Variants in PPFIBP1 observed in about 807,000 individuals in gnomAD.
PPFIBP1 encodes liprin-beta-1.
Under a neutral mutation model 137.8 loss-of-function variants are expected in PPFIBP1, and 112 were observed. The observed-to-expected ratio is 0.81, with a 90% CI of 0.70 to 0.95. The LOEUF (loss-of-function observed/expected upper bound fraction) is 0.95, where lower values mean the gene tolerates loss of function less well. PPFIBP1 is among the 40% of genes least tolerant of loss of function. The pLI, the probability that PPFIBP1 is intolerant of heterozygous loss-of-function variation, is 0.00. For missense variants in PPFIBP1, 1,083 were observed against 1,196.6 expected, an observed-to-expected ratio of 0.91 and a Z score of 1.40; for synonymous variants, 378 against 417.3, an observed-to-expected ratio of 0.91 and a Z score of 1.15.
intron 2 of PPFIBP1, among the ~76,000 whole-genome samples, chr12:27,605,498 A>G (rs1483613791): frequency 6.6e-6 from 1 of 152,168 alleles, no homozygotes; most frequent in South Asian, 2.1e-4. Flanking sequence ...TTATTTTTCT[A>G]TAGGTAAATT....
At chr12:27,650,904 T>G (rs2058837808) in intron 7 of PPFIBP1, among the ~76,000 whole-genome samples, 1 of 152,244 alleles carries the variant, frequency 6.6e-6, no homozygotes, top group Non-Finnish European at 1.5e-5. Context: ...GAAATTTCTT[T>G]TCTCTGAGAG....
chr12:27,688,290 T>C lies in PPFIBP1; in HGVS notation c.2371-8T>C. On this transcript the variant is annotated splice_polypyrimidine_tract_variant and splice_region_variant and intron_variant, in intron 25 of 29. Coordinates refer to ENST00000228425, the MANE Select transcript of PPFIBP1 (RefSeq NM_003622.4). Reference sequence around the variant, plus strand: ...AATATTTAGGATCCTGGTTGTGTGTTCCCATAGAATACCATCGCCCCATCA... The same window carrying C: ...AATATTTAGGATCCTGGTTGTGTGTCCCCATAGAATACCATCGCCCCATCA... 1 of 1,612,932 alleles carries C rather than the reference T, an allele frequency of 6.2e-7. No individual in the cohort carries two copies. The highest frequency in any genetic ancestry group is 8.5e-7 in the Non-Finnish European group (1 of 1,179,606).
intron 2 of PPFIBP1, among the ~76,000 whole-genome samples, chr12:27,614,989 C>A (rs2055583979): frequency 6.6e-6 from 1 of 152,198 alleles, no homozygotes; most frequent in Non-Finnish European, 1.5e-5. Flanking sequence ...AGAAACACTT[C>A]TTGATTTGGT....
intron 12 of PPFIBP1, among the ~76,000 whole-genome samples, chr12:27,666,512 A>C (rs1020958131): frequency 2.6e-5 from 4 of 152,228 alleles, no homozygotes; most frequent in African/African-American, 9.6e-5. Flanking sequence ...GTTTTTAAAA[A>C]AGAATATCTG....
At chr12:27,681,132 C>A in intron 21 of PPFIBP1, among the ~76,000 whole-genome samples, 1 of 152,200 alleles carries the variant, frequency 6.6e-6, no homozygotes, top group East Asian at 1.9e-4. Flanking sequence ...GCCCTCTTCT[C>A]ATTGGTTACC....
At chr12:27,649,797 C>G (rs1259630908) in intron 6 of PPFIBP1, among the ~76,000 whole-genome samples, 9 of 152,192 alleles carry the variant, frequency 5.9e-5, no homozygotes, top group African/African-American at 2.2e-4. Context: ...AGCGATCTGC[C>G]TGCCTCGGCC....
chr12:27,653,528 G>T (rs889130158), intron 7 of PPFIBP1, among the ~76,000 whole-genome samples: 1 of 150,492 alleles, frequency 6.6e-6, no homozygotes, highest in African/African-American at 2.5e-5. Flanking sequence ...CGAAGGTCGC[G>T]GTGAGCTGAG....
chr12:27,570,891 C>T (rs1254427635), intron 1 of PPFIBP1, among the ~76,000 whole-genome samples: 3 of 151,338 alleles, frequency 2.0e-5, no homozygotes, highest in Admixed American at 6.6e-5. Flanking sequence ...CTAGCCTGGG[C>T]GACAGTGAGA....
At chr12:27,556,577 A>G (rs931589515) in intron 1 of PPFIBP1, among the ~76,000 whole-genome samples, 1 of 152,220 alleles carries the variant, frequency 6.6e-6, no homozygotes, top group African/African-American at 2.4e-5. Flanking sequence ...CTTGGTCCGC[A>G]TTGGGAAAGT....
chr12:27,663,793 T>C (rs565094338), intron 11 of PPFIBP1, among the ~76,000 whole-genome samples: 1 of 151,668 alleles, frequency 6.6e-6, no homozygotes, highest in Non-Finnish European at 1.5e-5. Context: ...TGAGCCAAGA[T>C]TGTACCACTA....
Position 27,671,481 on chromosome 12 carries a change from T to C in PPFIBP1, c.1197T>C (p.Thr399=), listed in dbSNP as rs1386880955. 6.2e-7 allele frequency: 1 copy of C among 1,603,790 alleles called. No homozygotes were observed. Among genetic ancestry groups the C allele is most frequent in the Non-Finnish European group, 8.5e-7 (1 of 1,176,236 alleles). Residue 399 remains threonine (T), a synonymous_variant, in exon 14 of 30, where the codon ACT becomes ACC. Coordinates refer to ENST00000228425, the MANE Select transcript of PPFIBP1 (RefSeq NM_003622.4). ...QVSIPSLLPA[T]VSMETSEKSK... Reference sequence around the variant, plus strand: ...CCATCCCTTCATTATTGCCAGCAACTGTAAGCATGGAAACTTCTGAAAAAT... The same window carrying C: ...CCATCCCTTCATTATTGCCAGCAACCGTAAGCATGGAAACTTCTGAAAAAT...
At chr12:27,546,749 A>T (rs1946274037) in intron 1 of PPFIBP1, among the ~76,000 whole-genome samples, 1 of 152,206 alleles carries the variant, frequency 6.6e-6, no homozygotes, top group African/African-American at 2.4e-5. Context: ...GCAGTGGTTC[A>T]TGCCTGTAAT....
intron 1 of PPFIBP1, among the ~76,000 whole-genome samples, chr12:27,529,429 C>T (rs1414108600): frequency 1.3e-5 from 2 of 152,160 alleles, no homozygotes; most frequent in Admixed American, 1.3e-4. Flanking sequence ...CGCGATGGCT[C>T]ATGCCTGTAA....
At chr12:27,580,472 C>T (rs2050992467) in intron 2 of PPFIBP1, among the ~76,000 whole-genome samples, 1 of 152,092 alleles carries the variant, frequency 6.6e-6, no homozygotes, top group Non-Finnish European at 1.5e-5. Context: ...CTAAGATTCC[C>T]CCCAAATCTG....
chr12:27,662,501 C>T (rs549905544), intron 11 of PPFIBP1, among the ~76,000 whole-genome samples: 1 of 152,230 alleles, frequency 6.6e-6, no homozygotes, highest in East Asian at 1.9e-4. Flanking sequence ...ATGAAGAGGG[C>T]TTGAAGTAAG....
At chr12:27,645,318 C>G (rs955363228) in intron 4 of PPFIBP1, among the ~76,000 whole-genome samples, 19 of 152,214 alleles carry the variant, frequency 1.2e-4, no homozygotes, top group African/African-American at 4.6e-4. Context: ...TTGTGAGCCT[C>G]TTTGTGTGTC....
At chr12:27,616,287 G>A (rs2055744187) in intron 2 of PPFIBP1, among the ~76,000 whole-genome samples, 1 of 148,614 alleles carries the variant, frequency 6.7e-6, no homozygotes, top group African/African-American at 2.5e-5. Context: ...AACCCCACTG[G>A]TGGACATTTA....
intron 17 of PPFIBP1, among the ~76,000 whole-genome samples, chr12:27,675,360 A>G (rs1055363715): frequency 1.3e-5 from 2 of 152,218 alleles, no homozygotes; most frequent in Admixed American, 6.5e-5. Flanking sequence ...ATGGATGATA[A>G]TATCACTAAA....
chr12:27,679,589 A>G lies in PPFIBP1; in HGVS notation c.1716A>G (p.Pro572=), dbSNP rs1291398809. ...QRNSPFQIPP[P]SPDSKKKSRG... ...ACAGTCCCTTCCAGATACCGCCTCCATCTCCAGATTCCAAAAAGAAATCCA... is the reference window on the plus strand; with the variant it reads ...ACAGTCCCTTCCAGATACCGCCTCCGTCTCCAGATTCCAAAAAGAAATCCA... Residue 572 remains proline, a synonymous_variant, in exon 20 of 30, where the codon CCA becomes CCG. Coordinates refer to ENST00000228425, the MANE Select transcript of PPFIBP1 (RefSeq NM_003622.4). 5 of 1,613,882 alleles carry G rather than the reference A, an allele frequency of 3.1e-6. No homozygotes were observed. The highest frequency in any genetic ancestry group is 4.5e-5 in the East Asian group (2 of 44,886).
Sources: gnomAD v4.1 joint callset for allele counts (sites outside exome capture counted in the v4.1 genomes callset) on GRCh38, gnomAD v4.1.1 for gene constraint, MANE v1.5 for transcripts, NCBI Gene and HGNC (gene_info 2026-07-23, HGNC 2026-07-21) for gene names.